The following PLXNA1 variants were observed in gnomAD, a reference collection of about 807,000 sequenced individuals.
PLXNA1 encodes plexin A1.
In PLXNA1, 77 loss-of-function variants were observed where a neutral mutation model predicts 191.7. The observed-to-expected ratio is 0.40, with a 90% CI of 0.33 to 0.49. The LOEUF (loss-of-function observed/expected upper bound fraction) is 0.49. Ranked by LOEUF, PLXNA1 falls within the 20% of genes least tolerant of loss-of-function variation. The pLI, the probability that PLXNA1 is intolerant of heterozygous loss-of-function variation, is 0.63. For missense variants in PLXNA1, 2,110 were observed against 2,660.2 expected (o/e 0.79, Z 4.55); for synonymous variants, 1,137 against 1,156.4 (o/e 0.98, Z 0.34).
chr3:127,016,501 A>G lies in PLXNA1; in HGVS notation c.3015-16A>G, dbSNP rs368756149. The G allele has an allele frequency of 3.0e-5, 48 of 1,612,756 alleles. No homozygotes were observed. The African/African-American group carries it at 6.1e-4, about 21-fold the overall frequency. On this transcript the variant is annotated splice_polypyrimidine_tract_variant and intron_variant, in intron 15 of 31. Coordinates refer to ENST00000393409, the MANE Select transcript of PLXNA1 (RefSeq NM_032242.4). ...CCACCCGTGTGCTCCTCACTGTCCC[A>G]CTCGGGCACCTCCAGGAGGAACTCC...
At chr3:127,013,041 C>T (rs566351708) in intron 10 of PLXNA1, among the ~76,000 whole-genome samples, 61 of 152,292 alleles carry the variant, frequency 4.0e-4, no homozygotes, top group African/African-American at 8.2e-4. Context: ...TCTGGAGCCC[C>T]TTGGCTGACC....
Position 127,018,544 on chromosome 3 carries a change from G to A in PLXNA1, c.3895+16G>A, listed in dbSNP as rs773591659. 5.7e-6 allele frequency: 9 copies of A among 1,586,784 alleles called. No homozygotes were observed. The highest frequency in any genetic ancestry group is 7.8e-6 in the Non-Finnish European group (9 of 1,160,040). On this transcript the variant is annotated intron_variant, in intron 20 of 31. Coordinates refer to ENST00000393409, the MANE Select transcript of PLXNA1 (RefSeq NM_032242.4). ...TGCAAGGAAGGTCTGTTGGGGCCAG[G>A]GCTCACTGGGGCAACTGCCACCTCC...
In PLXNA1 at chr3:127,033,975, C is replaced by T; in HGVS notation, c.5649C>T (p.Ser1883=). 1 of 1,605,810 alleles carries T rather than the reference C, an allele frequency of 6.2e-7. No homozygotes were observed. Among genetic ancestry groups the T allele is most frequent in the Non-Finnish European group, 8.5e-7 (1 of 1,177,548 alleles). ...DEQARRQRLR[S]KLEQVVDTMA... is the part of the protein sequence containing the mutation. ...AGGCGCGGCGGCAGCGGCTGCGGAGCAAGCTGGAGCAGGTGGTGGACACGA... is the reference window on the plus strand; with the variant it reads ...AGGCGCGGCGGCAGCGGCTGCGGAGTAAGCTGGAGCAGGTGGTGGACACGA... Residue 1883 remains serine (S), a synonymous_variant, in exon 32 of 32, where the codon AGC becomes AGT. Transcript: ENST00000393409.
chr3:126,996,328 C>T (rs967416129), intron 3 of PLXNA1, among the ~76,000 whole-genome samples: 1 of 152,108 alleles, frequency 6.6e-6, no homozygotes, highest in Non-Finnish European at 1.5e-5. Context: ...CCCCTAGAGG[C>T]CCCACTGCTC....
rs551712500 is a variant in PLXNA1, at chr3:127,008,137, G to A, written c.2112+224G>A. ...GTCTTGGCCTGAAGTCAGGCCTGTG[G>A]TATTTGTTGGTGACCCCTGGGTGTC... On this transcript the variant is annotated intron_variant, in intron 9 of 31. Coordinates refer to ENST00000393409, the MANE Select transcript of PLXNA1 (RefSeq NM_032242.4). Among the ~76,000 whole-genome samples the A allele has an allele frequency of 6.0e-4, 91 of 152,318 alleles. 2 individuals are homozygous for A. Among genetic ancestry groups the A allele is most frequent in the Non-Finnish European group, 4.1e-4 (28 of 68,014 alleles).
At position 127,016,504 on chromosome 3, in the gene PLXNA1, C is replaced by G. The variant is rs73861744; in HGVS notation, c.3015-13C>G. The G allele has an allele frequency of 6.2e-7, 1 of 1,612,960 alleles. No homozygotes were observed. Among genetic ancestry groups the G allele is most frequent in the Admixed American group, 1.7e-5 (1 of 59,994 alleles). On this transcript the variant is annotated splice_polypyrimidine_tract_variant and intron_variant, in intron 15 of 31. Coordinates refer to ENST00000393409, the MANE Select transcript of PLXNA1 (RefSeq NM_032242.4). The stretch of plus-strand genomic sequence containing the variant: ...CCCGTGTGCTCCTCACTGTCCCACT[C>G]GGGCACCTCCAGGAGGAACTCCCGT...
At position 127,020,186 on chromosome 3, in the gene PLXNA1, C is replaced by T. The variant is rs372802410; in HGVS notation, c.3896-16C>T. ...CCACCAGGGCATGCTGCCCCTGACG[C>T]CGCATCTGGCCACAGCCTTTGCAGA... On this transcript the variant is annotated splice_polypyrimidine_tract_variant and intron_variant, in intron 20 of 31. Transcript: ENST00000393409. 78 of 1,611,572 alleles carry T rather than the reference C, an allele frequency of 4.8e-5. No homozygotes were observed. The highest frequency in any genetic ancestry group is 2.2e-5 in the East Asian group (1 of 44,846).
intron 3 of PLXNA1, among the ~76,000 whole-genome samples, chr3:126,993,758 GC>G (rs1254844480): frequency 1.3e-5 from 2 of 152,226 alleles, no homozygotes; most frequent in South Asian, 2.1e-4. Flanking sequence ...TTGTTCGGAG[GC>G]CCCCCCAGGC....
At position 126,988,629 on chromosome 3, in the gene PLXNA1, G is replaced by A; in HGVS notation, c.36G>A (p.Leu12=). The part of the protein sequence containing the change: ...PLPPRSLQVL[L]LLLLLLLLLP... Reference sequence around the variant, plus strand: ...CACCGCGGAGCCTGCAGGTGCTCCTGCTGCTGCTGCTGTTGCTGCTGCTGC... The same window carrying A: ...CACCGCGGAGCCTGCAGGTGCTCCTACTGCTGCTGCTGTTGCTGCTGCTGC... Residue 12 remains leucine (L), a synonymous_variant, in exon 2 of 32, where the codon CTG becomes CTA. Transcript: ENST00000393409. The A allele has an allele frequency of 6.5e-7, 1 of 1,531,264 alleles. No individual in the cohort carries two copies. 94.9% of individuals were successfully genotyped at this position (1,531,264 alleles called of 1,614,324 possible). A position where few individuals can be genotyped will look rare whatever the true frequency, so the allele number is the denominator to read the frequency against.
Position 127,037,110 on chromosome 3 carries a change from A to C in PLXNA1, c.*3093A>C, listed in dbSNP as rs1366438070. 2 of 152,562 alleles carry C rather than the reference A, an allele frequency of 1.3e-5. No individual in the cohort carries two copies. Among genetic ancestry groups the C allele is most frequent in the African/African-American group, 4.8e-5 (2 of 41,464 alleles). 9.5% of individuals were successfully genotyped at this position (152,562 alleles called of 1,614,324 possible). A position where few individuals can be genotyped will look rare whatever the true frequency, so the allele number is the denominator to read the frequency against. ...TCAGTGGCTCACGTTGGTGCTACAC[A>C]GCTAGAATAGATATATTTAGAGAGA... On this transcript the variant is annotated 3_prime_UTR_variant, in exon 32 of 32. Coordinates refer to ENST00000393409, the MANE Select transcript of PLXNA1 (RefSeq NM_032242.4).
At chr3:127,007,118 C>T (rs1349164575) in intron 8 of PLXNA1, among the ~76,000 whole-genome samples, 3 of 152,016 alleles carry the variant, frequency 2.0e-5, no homozygotes, top group South Asian at 4.2e-4. Context: ...TGGAGGGGGC[C>T]GAGGGCTACA....
At chr3:127,020,455 G>GACCCTCCCCCA in intron 21 of PLXNA1, 111 bp downstream of exon 21, 1 of 1,367,454 alleles carries the variant, frequency 7.3e-7, no homozygotes, top group Non-Finnish European at 9.9e-7. Flanking sequence ...GTGTGGCCTG[G>GACCCTCCCCCA]GGGAGGGTCC....
At position 127,032,541 on chromosome 3, in the gene PLXNA1, C is replaced by T. The variant is rs2079216688; in HGVS notation, c.5386C>T (p.Pro1796Ser). The T allele has an allele frequency of 1.9e-6, 3 of 1,613,968 alleles. No homozygotes were observed. The highest frequency in any genetic ancestry group is 2.5e-6 in the Non-Finnish European group (3 of 1,180,032). ...TGAGCACAAGCTGGGCAAGGACTCA[C>T]CCTCCAACAAGCTGCTCTACGCCAA... is the stretch of plus-strand genomic sequence containing the variant. ...TSEHKLGKDS[P>S]SNKLLYAKDI... The change falls in exon 30 of 32, where the codon CCC becomes TCC. Residue 1796 changes from proline (P) to serine (S), a missense_variant. This residue lies in a region of PLXNA1 where 559 missense variants were observed against 911.5 expected (regional missense o/e 0.61). Coordinates refer to ENST00000393409, the MANE Select transcript of PLXNA1 (RefSeq NM_032242.4).
intron 9 of PLXNA1, among the ~76,000 whole-genome samples, chr3:127,009,754 CTG>C (rs1430519066): frequency 3.3e-5 from 5 of 152,160 alleles, no homozygotes; most frequent in Admixed American, 6.5e-5. Context: ...ATGCTGGGGT[CTG>C]TGTGTTTTGT....
chr3:127,011,655 A>G (rs572811079), intron 9 of PLXNA1, among the ~76,000 whole-genome samples: 11 of 152,152 alleles, frequency 7.2e-5, no homozygotes, highest in Non-Finnish European at 1.3e-4. Flanking sequence ...CAGAGCCCCA[A>G]TCTCTTCTGC....
chr3:126,988,632 G>T lies in PLXNA1; in HGVS notation c.39G>T (p.Leu13=). ...CGCGGAGCCTGCAGGTGCTCCTGCT[G>T]CTGCTGCTGTTGCTGCTGCTGCTGC... ...LPPRSLQVLL[L]LLLLLLLLPG... Residue 13 remains leucine, a synonymous_variant, in exon 2 of 32, where the codon CTG becomes CTT. Transcript: ENST00000393409. The T allele has an allele frequency of 6.3e-7, 1 of 1,575,120 alleles. No individual in the cohort carries two copies. The highest frequency in any genetic ancestry group is 1.2e-5 in the South Asian group (1 of 84,052).
chr3:127,007,695 T>TGGCACTATGAATACCAGCAGGGGC (rs2079075462), intron 8 of PLXNA1, 104 bp from the exon 9 acceptor site: 8 of 693,640 alleles, frequency 1.2e-5, no homozygotes, highest in African/African-American at 3.6e-5. Context: ...GACCCTGAGG[T>TGGCACTATGAATACCAGCAGGGGC]GGCACTATGA....
At position 126,988,638 on chromosome 3, in the gene PLXNA1, G is replaced by T; in HGVS notation, c.45G>T (p.Leu15=). 1 of 1,576,164 alleles carries T rather than the reference G, an allele frequency of 6.3e-7. No individual in the cohort carries two copies. Among genetic ancestry groups the T allele is most frequent in the Non-Finnish European group, 8.6e-7 (1 of 1,161,348 alleles). The change falls in exon 2 of 32, where the codon CTG becomes CTT. Residue 15 remains leucine, a synonymous_variant. Transcript: ENST00000393409. ...GCCTGCAGGTGCTCCTGCTGCTGCTGCTGTTGCTGCTGCTGCTGCCGGGCA... is the reference window on the plus strand; with the variant it reads ...GCCTGCAGGTGCTCCTGCTGCTGCTTCTGTTGCTGCTGCTGCTGCCGGGCA... ...PRSLQVLLLL[L]LLLLLLPGMW...
At chr3:127,004,800 C>A in intron 5 of PLXNA1, 85 bp from the exon 6 acceptor site, 2 of 1,589,522 alleles carry the variant, frequency 1.3e-6, no homozygotes, top group East Asian at 2.2e-5. Context: ...GGGCAAGCCA[C>A]CCCGAGTTCT....
Sources: allele counts gnomAD v4.1 joint callset (sites outside exome capture counted in the v4.1 genomes callset), GRCh38; gene constraint gnomAD v4.1.1; regional missense constraint gnomAD v4.1.1; transcripts MANE v1.5; gene names NCBI Gene and HGNC (gene_info 2026-07-23, HGNC 2026-07-21).